The following DLGAP2 variants were observed in gnomAD, a reference collection of about 807,000 sequenced individuals.
The protein encoded by DLGAP2 is disks large-associated protein 2.
Under a neutral mutation model 100.3 loss-of-function variants are expected in DLGAP2, and 26 were observed. The ratio of observed to expected loss-of-function variants is 0.26; its 90% confidence interval spans 0.19 to 0.36. The LOEUF (loss-of-function observed/expected upper bound fraction) is 0.36. Among genes scored for constraint, DLGAP2 ranks in the 10% least tolerant of loss-of-function variants. The pLI is 1.00. For synonymous variants in DLGAP2, 886 were observed against 630.1 expected (o/e 1.41, Z -6.08); for missense variants, 1,858 against 1,453.2 (o/e 1.28, Z -4.53).
At chr8:1,637,105 G>A (rs1247558396) in intron 8 of DLGAP2, among the ~76,000 whole-genome samples, 3 of 152,148 alleles carry the variant, frequency 2.0e-5, no homozygotes, top group African/African-American at 4.8e-5. Context: ...GTGCTTGCTC[G>A]GGGACCAGGT....
chr8:892,850 T>C (rs553129176), intron 1 of DLGAP2, among the ~76,000 whole-genome samples: 24 of 152,202 alleles, frequency 1.6e-4, no homozygotes, highest in Non-Finnish European at 2.6e-4. Flanking sequence ...CCTACAGAAA[T>C]GTTAGATGAA....
Position 1,327,164 on chromosome 8 carries a change from G to T in DLGAP2, c.106+68281G>T, listed in dbSNP as rs75762137. Reference sequence around the variant, plus strand: ...CTGAGCGAGATTACAGTTCCGAGGCGTCTCACATTTCACCATTTAGGACGT... The same window carrying T: ...CTGAGCGAGATTACAGTTCCGAGGCTTCTCACATTTCACCATTTAGGACGT... On this transcript the variant is annotated intron_variant, in intron 3 of 14. Coordinates refer to ENST00000637795, the MANE Select transcript of DLGAP2 (RefSeq NM_001346810.2). Among the ~76,000 whole-genome samples the T allele has an allele frequency of 6.0e-3, 916 of 152,332 alleles. 10 individuals are homozygous for T. Among genetic ancestry groups the T allele is most frequent in the African/African-American group, 0.021 (866 of 41,586 alleles).
intron 1 of DLGAP2, among the ~76,000 whole-genome samples, chr8:742,520 CT>C (rs1820513361): frequency 6.6e-6 from 1 of 152,146 alleles, no homozygotes; most frequent in African/African-American, 2.4e-5. Flanking sequence ...TTGCAAGTGG[CT>C]TTTTAGAGAC....
chr8:976,539 G>A (rs1237379701), intron 2 of DLGAP2, among the ~76,000 whole-genome samples: 4 of 152,184 alleles, frequency 2.6e-5, no homozygotes, highest in Non-Finnish European at 5.9e-5. Context: ...GTGAACCCGG[G>A]AGGTGGAGCT....
intron 3 of DLGAP2, among the ~76,000 whole-genome samples, chr8:1,444,615 C>G (rs1283984530): frequency 6.6e-6 from 1 of 152,084 alleles, no homozygotes; most frequent in Non-Finnish European, 1.5e-5. Context: ...ACCTCCTTCT[C>G]CATCATCCCT....
intron 2 of DLGAP2, among the ~76,000 whole-genome samples, chr8:946,003 A>C (rs999317264): frequency 1.3e-5 from 2 of 152,050 alleles, no homozygotes; most frequent in Non-Finnish European, 2.9e-5. Flanking sequence ...ACTTTGCTGC[A>C]TGGTCTCTGG....
intron 2 of DLGAP2, among the ~76,000 whole-genome samples, chr8:1,073,364 C>A (rs1052997130): frequency 6.6e-6 from 1 of 151,572 alleles, no homozygotes; most frequent in Non-Finnish European, 1.5e-5. Flanking sequence ...GTAGTTAATA[C>A]GTTAAGAAAT....
At chr8:907,552 C>A (rs145592678) in intron 1 of DLGAP2, among the ~76,000 whole-genome samples, 1 of 152,134 alleles carries the variant, frequency 6.6e-6, no homozygotes. Context: ...GCTCTAATTG[C>A]GCCTAATATT....
intron 12 of DLGAP2, among the ~76,000 whole-genome samples, chr8:1,684,929 C>T (rs1194552261): frequency 6.6e-6 from 1 of 152,118 alleles, no homozygotes; most frequent in Non-Finnish European, 1.5e-5. Flanking sequence ...TTCCTTGCCC[C>T]AAATGACTCC....
intron 3 of DLGAP2, among the ~76,000 whole-genome samples, chr8:1,288,696 T>C (rs1229555883): frequency 6.7e-6 from 1 of 149,744 alleles, no homozygotes; most frequent in Non-Finnish European, 1.5e-5. Context: ...TGTGTGTGTG[T>C]GTGGTTCTGT....
chr8:1,190,148 G>C (rs1431586535), intron 2 of DLGAP2, among the ~76,000 whole-genome samples: 2 of 152,150 alleles, frequency 1.3e-5, no homozygotes, highest in African/African-American at 4.8e-5. Context: ...CCTGAGTTGA[G>C]TTATGGATTG....
At chr8:1,673,083 C>G (rs1431657838) in intron 10 of DLGAP2, among the ~76,000 whole-genome samples, 1 of 152,166 alleles carries the variant, frequency 6.6e-6, no homozygotes, top group Non-Finnish European at 1.5e-5. Context: ...GCTCATTCAT[C>G]TTTTTTTCTT....
At chr8:1,137,212 C>T (rs11779020) in intron 2 of DLGAP2, 49,545 of 152,162 alleles carry the variant, frequency 0.33, 9,457 homozygotes, top group Non-Finnish European at 0.43. Flanking sequence ...AGAGCCCTGG[C>T]ATCTGTTCCC....
chr8:764,619 C>T (rs963940583), intron 1 of DLGAP2, among the ~76,000 whole-genome samples: 1 of 152,116 alleles, frequency 6.6e-6, no homozygotes, highest in Non-Finnish European at 1.5e-5. Context: ...AAAAAATCAC[C>T]CTCATGTTAT....
chr8:1,233,987 G>T (rs1022065480), intron 2 of DLGAP2, among the ~76,000 whole-genome samples: 1 of 152,172 alleles, frequency 6.6e-6, no homozygotes, highest in Non-Finnish European at 1.5e-5. Flanking sequence ...GCCTGCACTG[G>T]GAGGGCTTCA....
At chr8:846,866 C>T (rs993623038) in intron 1 of DLGAP2, among the ~76,000 whole-genome samples, 1 of 152,174 alleles carries the variant, frequency 6.6e-6, no homozygotes, top group Non-Finnish European at 1.5e-5. Flanking sequence ...TGATGTTGAG[C>T]ACATCCATGT....
chr8:1,241,547 C>T (rs1354342334), intron 2 of DLGAP2, among the ~76,000 whole-genome samples: 2 of 152,210 alleles, frequency 1.3e-5, no homozygotes, highest in African/African-American at 4.8e-5. Context: ...AACATGTTTC[C>T]CATGGGGGCC....
At chr8:1,295,824 C>T (rs1053670294) in intron 3 of DLGAP2, among the ~76,000 whole-genome samples, 2 of 152,276 alleles carry the variant, frequency 1.3e-5, no homozygotes, top group East Asian at 1.9e-4. Flanking sequence ...CTGTTTTGCT[C>T]ACAGCAGAAG....
At chr8:1,004,734 C>T (rs73673048) in intron 2 of DLGAP2, among the ~76,000 whole-genome samples, 371 of 152,256 alleles carry the variant, frequency 2.4e-3, no homozygotes, top group African/African-American at 8.3e-3. Context: ...GCTGGGAGGT[C>T]GGCTTCACAC....
Sources: allele counts gnomAD v4.1 joint callset (sites outside exome capture counted in the v4.1 genomes callset), GRCh38; gene constraint gnomAD v4.1.1; transcripts MANE v1.5; gene names NCBI Gene and HGNC (gene_info 2026-07-23, HGNC 2026-07-21).